PHACTR2: variants seen among roughly 807,000 people sequenced by gnomAD.
PHACTR2 encodes the protein chromosome 6 open reading frame 56.
In PHACTR2, 30 loss-of-function variants were observed where a neutral mutation model predicts 76.0. That is an observed-to-expected ratio of 0.39 (90% CI 0.30 to 0.54). The LOEUF is 0.54. Among genes scored for constraint, PHACTR2 ranks in the 20% least tolerant of loss-of-function variants. The pLI is 0.61. For missense variants in PHACTR2, 696 were observed against 781.1 expected (o/e 0.89, Z 1.30); for synonymous variants, 292 against 292.5 (o/e 1.00, Z 0.02).
Position 143,583,963 on chromosome 6 carries a change from A to G in PHACTR2, c.217+46756A>G, listed in dbSNP as rs1209277579. ...ACTGTGTCTAGCACTCAGGATATTC[A>G]TAATAAAAGTTTGATAAAACAATGG... On this transcript the variant is annotated intron_variant, in intron 1 of 11. Transcript: ENST00000367584. The surrounding 1 kb of genome is among the most constrained non-coding windows in gnomAD (Gnocchi z 4.0). Among the ~76,000 whole-genome samples the G allele has an allele frequency of 6.6e-6, 1 of 152,222 alleles. No individual in the cohort carries two copies.
chr6:143,616,537 T>A lies in PHACTR2; in HGVS notation c.13+8215T>A, dbSNP rs942381928. On this transcript the variant is annotated intron_variant, in intron 1 of 11. Transcript: ENST00000305766. This position sits in a 1 kb window ranked among gnomAD's most constrained non-coding sequence, Gnocchi z 4.9. ...CCTTCTCCTCCTTGCCATTCAGTCGTTAATTCATCCATACATCCTGGTGAT... is the reference window on the plus strand; with the variant it reads ...CCTTCTCCTCCTTGCCATTCAGTCGATAATTCATCCATACATCCTGGTGAT... Among the ~76,000 whole-genome samples the A allele has an allele frequency of 7.2e-5, 11 of 152,182 alleles. No individual in the cohort carries two copies. The highest frequency in any genetic ancestry group is 2.4e-4 in the African/African-American group (10 of 41,448).
intron 1 of PHACTR2, among the ~76,000 whole-genome samples, chr6:143,681,844 C>T (rs1777394283): frequency 6.6e-6 from 1 of 152,128 alleles, no homozygotes; most frequent in Non-Finnish European, 1.5e-5. Context: ...CCGTTCTTTC[C>T]CCATTGAATG....
At chr6:143,728,937 A>G (rs78228935) in intron 2 of PHACTR2, among the ~76,000 whole-genome samples, 5,013 of 152,284 alleles carry the variant, frequency 0.033, 121 homozygotes, top group South Asian at 0.11. Context: ...CAAAGATTTT[A>G]TGTCTAAGAC....
Position 143,777,384 on chromosome 6 carries a change from G to A in PHACTR2, c.1645+1G>A, listed in dbSNP as rs1213547130. On this transcript the variant is annotated splice_donor_variant, in intron 9 of 12. Transcript: ENST00000440869. LOFTEE classifies it high-confidence loss of function. The surrounding 1 kb of genome is among the most constrained non-coding windows in gnomAD (Gnocchi z 4.6). ...TTAGAGCAAAGAAACATCCTAAAACGTGAGTATTCTATACTATAGAATGAT... is the reference window on the plus strand; with the variant it reads ...TTAGAGCAAAGAAACATCCTAAAACATGAGTATTCTATACTATAGAATGAT... 3 of 1,557,684 alleles carry A rather than the reference G, an allele frequency of 1.9e-6. No homozygotes were observed. Among genetic ancestry groups the A allele is most frequent in the Non-Finnish European group, 1.8e-6 (2 of 1,131,202 alleles).
At chr6:143,607,310 GT>G (rs1172847960), upstream of PHACTR2, among the ~76,000 whole-genome samples, 1 of 152,216 alleles carries the variant, frequency 6.6e-6, no homozygotes, top group Non-Finnish European at 1.5e-5. Context: ...AGCATCTAAT[GT>G]CATGACAGCC....
At chr6:143,563,551 C>CAAAAAAAAAAAAAAAAA (rs76587878) in intron 1 of PHACTR2, among the ~76,000 whole-genome samples, 19 of 29,958 alleles carry the variant, frequency 6.3e-4, no homozygotes, top group African/African-American at 1.6e-3. Context: ...AACTCCGTCT[C>CAAAAAAAAAAAAAAAAA]AAAAAAAAAA....
At chr6:143,628,577 G>C (rs12206116) in intron 1 of PHACTR2, among the ~76,000 whole-genome samples, 1 of 151,862 alleles carries the variant, frequency 6.6e-6, no homozygotes, top group Non-Finnish European at 1.5e-5. Flanking sequence ...CTGGCCCTTC[G>C]CCTCCCTCTT....
intron 2 of PHACTR2, among the ~76,000 whole-genome samples, chr6:143,717,825 G>A (rs1778337014): frequency 6.6e-6 from 1 of 152,024 alleles, no homozygotes; most frequent in African/African-American, 2.4e-5. Flanking sequence ...ATCCTCCTTG[G>A]CTTCTCAAAG....
chr6:143,667,056 GAA>G (rs200925765), intron 1 of PHACTR2, among the ~76,000 whole-genome samples: 6,482 of 152,138 alleles, frequency 0.043, 176 homozygotes, highest in Middle Eastern at 0.082. Context: ...ATTTTTGTAT[GAA>G]GTGTAAGGAA....
At chr6:143,805,772 G>A (rs1776050523) in intron 11 of PHACTR2, among the ~76,000 whole-genome samples, 1 of 152,184 alleles carries the variant, frequency 6.6e-6, no homozygotes, top group Non-Finnish European at 1.5e-5. Flanking sequence ...AACTACAGGG[G>A]CTGAGGAATA....
At position 143,819,907 on chromosome 6, in the gene PHACTR2, C is replaced by T. The variant is rs1776375430; in HGVS notation, c.1923-3767C>T. ...TATAAGAAAACAGGTTTAATTGGCT[C>T]ACAGTTCTGCAGGCTGTACAGGAAG... On this transcript the variant is annotated intron_variant, in intron 12 of 12. Transcript: ENST00000440869. This position sits in a 1 kb window ranked among gnomAD's most constrained non-coding sequence, Gnocchi z 5.0. Among the ~76,000 whole-genome samples the T allele has an allele frequency of 6.6e-6, 1 of 152,166 alleles. No homozygotes were observed. Among genetic ancestry groups the T allele is most frequent in the South Asian group, 2.1e-4 (1 of 4,828 alleles).
At chr6:143,563,995 T>A (rs1236101118) in intron 1 of PHACTR2, among the ~76,000 whole-genome samples, 1 of 151,512 alleles carries the variant, frequency 6.6e-6, no homozygotes, top group East Asian at 1.9e-4. Context: ...CAGAGTGAGA[T>A]CCTGTCTCAA....
intron 1 of PHACTR2, among the ~76,000 whole-genome samples, chr6:143,559,362 A>G (rs550774770): frequency 6.6e-6 from 1 of 152,302 alleles, no homozygotes; most frequent in Admixed American, 6.5e-5. Context: ...CAAAATCGTC[A>G]CTGATCCTAC....
intron 11 of PHACTR2, among the ~76,000 whole-genome samples, chr6:143,799,344 A>G (rs903627147): frequency 1.3e-5 from 2 of 152,016 alleles, no homozygotes; most frequent in Admixed American, 6.6e-5. Flanking sequence ...CAGTTCCTGG[A>G]TTCATTGATT....
chr6:143,765,741 A>T lies in PHACTR2; in HGVS notation c.1175A>T (p.Asn392Ile). Residue 392 changes from asparagine (N) to isoleucine (I), a missense_variant, in exon 6 of 13, where the codon AAC (asparagine) becomes ATC (isoleucine). Coordinates refer to ENST00000440869, the MANE Select transcript of PHACTR2 (RefSeq NM_001100164.2). This position sits in a 1 kb window ranked among gnomAD's most constrained non-coding sequence, Gnocchi z 4.1. Reference protein sequence around the residue: ...SQLLWAEEPTNRTTLYSGTGL... With the variant: ...SQLLWAEEPTIRTTLYSGTGL... ...CTTCTTTGGGCTGAAGAGCCGACGA[A>T]CAGAACCACTCTCTACTCAGGCACT... The T allele has an allele frequency of 6.2e-7, 1 of 1,614,250 alleles. No individual in the cohort carries two copies. Among genetic ancestry groups the T allele is most frequent in the Non-Finnish European group, 8.5e-7 (1 of 1,180,042 alleles).
intron 1 of PHACTR2, among the ~76,000 whole-genome samples, chr6:143,638,861 C>A (rs1485689559): frequency 6.6e-6 from 1 of 152,160 alleles, no homozygotes; most frequent in African/African-American, 2.4e-5. Flanking sequence ...AGATAAATTC[C>A]TTTGTTCTAC....
At chr6:143,661,696 CAG>C (rs749742064) in intron 1 of PHACTR2, among the ~76,000 whole-genome samples, 53 of 152,002 alleles carry the variant, frequency 3.5e-4, no homozygotes, top group Admixed American at 7.2e-4. Context: ...GCTGGGACTA[CAG>C]ACATGCACCA....
intron 1 of PHACTR2, among the ~76,000 whole-genome samples, chr6:143,643,125 T>G (rs1394870025): frequency 6.6e-5 from 10 of 152,188 alleles, no homozygotes; most frequent in Non-Finnish European, 1.5e-4. Context: ...ATGAATTGAG[T>G]ACATCATTAT....
In PHACTR2 at chr6:143,556,815, GA is replaced by G. The variant is rs1775180926; in HGVS notation, c.217+19612del. Among the ~76,000 whole-genome samples the G allele has an allele frequency of 6.6e-6, 1 of 152,284 alleles. No homozygotes were observed. ...CATGGGGTCCAATTGCTGCCATTTA[GA>G]AAAGCATGCTTTTAAAGTGTGTCAT... On this transcript the variant is annotated intron_variant, in intron 1 of 11. Transcript: ENST00000367584. This position sits in a 1 kb window ranked among gnomAD's most constrained non-coding sequence, Gnocchi z 4.3.
Sources: gnomAD v4.1 joint callset for allele counts (sites outside exome capture counted in the v4.1 genomes callset) on GRCh38, gnomAD v4.1.1 for gene constraint, Gnocchi (gnomAD v3.1) non-coding constraint, MANE v1.5 for transcripts, NCBI Gene and HGNC (gene_info 2026-07-23, HGNC 2026-07-21) for gene names.